Variants in CRTC3 observed in about 807,000 individuals in gnomAD.
CRTC3 encodes CREB-regulated transcription coactivator 3.
Under a neutral mutation model 74.5 loss-of-function variants are expected in CRTC3, and 26 were observed. The observed-to-expected ratio is 0.35, with a 90% CI of 0.26 to 0.48. The LOEUF (loss-of-function observed/expected upper bound fraction) is 0.48. CRTC3 is among the 20% of genes least tolerant of loss of function. CRTC3 has a pLI of 0.99. For missense variants in CRTC3, 760 were observed against 787.3 expected, an observed-to-expected ratio of 0.97 and a Z score of 0.41; for synonymous variants, 377 against 325.8, an observed-to-expected ratio of 1.16 and a Z score of -1.69.
intron 13 of CRTC3, 163 bp from the exon 14 acceptor site, chr15:90,640,934 T>C (rs2151098991): frequency 1.6e-6 from 1 of 610,394 alleles, no homozygotes; most frequent in East Asian, 2.8e-5. Context: ...ACAAGAATAT[T>C]GTGCATGCAT....
chr15:90,634,877 G>C (rs1969175721), intron 11 of CRTC3: 2 of 1,557,072 alleles, frequency 1.3e-6, no homozygotes, highest in East Asian at 2.2e-5. Flanking sequence ...CTGTTGGATC[G>C]GGTTCTAAAG....
At chr15:90,571,502 C>A (rs1443976832) in intron 2 of CRTC3, among the ~76,000 whole-genome samples, 1 of 152,074 alleles carries the variant, frequency 6.6e-6, no homozygotes, top group Non-Finnish European at 1.5e-5. Flanking sequence ...GAGGCTGGAG[C>A]TTGAAGTAGG....
At chr15:90,598,066 C>T (rs796932025) in intron 3 of CRTC3, 3 of 195,378 alleles carry the variant, frequency 1.5e-5, no homozygotes, top group South Asian at 1.2e-4. Flanking sequence ...AACCAGACTC[C>T]GAGCCCACTT....
At chr15:90,584,830 C>T (rs1166059546) in intron 2 of CRTC3, among the ~76,000 whole-genome samples, 1 of 152,042 alleles carries the variant, frequency 6.6e-6, no homozygotes, top group East Asian at 1.9e-4. Flanking sequence ...CCTCTCCTAC[C>T]CAAGCTCTGT....
intron 2 of CRTC3, among the ~76,000 whole-genome samples, chr15:90,574,834 A>T (rs974332188): frequency 6.6e-6 from 1 of 152,014 alleles, no homozygotes; most frequent in Admixed American, 6.6e-5. Flanking sequence ...AACCATTTGT[A>T]TTATGTTTAC....
intron 11 of CRTC3, among the ~76,000 whole-genome samples, chr15:90,630,514 G>T (rs921797720): frequency 1.3e-5 from 2 of 152,080 alleles, no homozygotes; most frequent in Admixed American, 6.6e-5. Context: ...ACTCCAGAGC[G>T]GAGGTGGGAG....
intron 2 of CRTC3, among the ~76,000 whole-genome samples, chr15:90,547,617 A>T (rs1966846536): frequency 6.6e-6 from 1 of 152,166 alleles, no homozygotes; most frequent in African/African-American, 2.4e-5. Flanking sequence ...GACCATCAGT[A>T]AAGGGGTAGC....
intron 2 of CRTC3, among the ~76,000 whole-genome samples, chr15:90,561,063 G>A (rs762874033): frequency 2.6e-5 from 4 of 152,144 alleles, no homozygotes; most frequent in Non-Finnish European, 5.9e-5. Flanking sequence ...GCACTGGATC[G>A]TAGACAAGAT....
At position 90,643,085 on chromosome 15, in the gene CRTC3, AC is replaced by A. The variant is rs549446448; in HGVS notation, c.*951del. 4.3e-6 allele frequency: 1 copy of A among 231,522 alleles called. No homozygotes were observed. The highest frequency in any genetic ancestry group is 8.5e-6 in the Non-Finnish European group (1 of 117,250). The allele number at this position is 231,522 out of a possible 1,614,324, so 14.3% of individuals were successfully genotyped here. A position where few individuals can be genotyped will look rare whatever the true frequency, so the allele number is the denominator to read the frequency against. On this transcript the variant is annotated 3_prime_UTR_variant, in exon 15 of 15. Coordinates refer to ENST00000268184, the MANE Select transcript of CRTC3 (RefSeq NM_022769.5). ...CTCTGTGGGCTGGGAGTCTAATGTCACCCCCCTAGACCGTAAGCTCCTTGAG... is the reference window on the plus strand; with the variant it reads ...CTCTGTGGGCTGGGAGTCTAATGTCACCCCCTAGACCGTAAGCTCCTTGAG...
In CRTC3 at chr15:90,544,180, C is replaced by T. The variant is rs183628114; in HGVS notation, c.231+4043C>T. On this transcript the variant is annotated intron_variant, in intron 2 of 14. Coordinates refer to ENST00000268184, the MANE Select transcript of CRTC3 (RefSeq NM_022769.5). ...TCCCTCCTTGTCTCTTCCTAGCTTC[C>T]GTGGTCTGCGGCAGTCCTTAACTTG... is the stretch of plus-strand genomic sequence containing the variant. Among the ~76,000 whole-genome samples the T allele has an allele frequency of 6.9e-4, 105 of 152,328 alleles. 1 individual carries two copies. The East Asian group carries it at 0.014, about 20-fold the overall frequency.
intron 3 of CRTC3, chr15:90,594,959 T>G (rs1455912169): frequency 6.6e-6 from 1 of 152,192 alleles, no homozygotes; most frequent in Non-Finnish European, 1.5e-5. Context: ...GAGGCAAGGA[T>G]AATGACCCCA....
At chr15:90,589,885 A>G (rs529946762) in intron 2 of CRTC3, among the ~76,000 whole-genome samples, 1,681 of 151,992 alleles carry the variant, frequency 0.011, 38 homozygotes, top group African/African-American at 0.039. Flanking sequence ...TACTCAGGAA[A>G]CTAAGGCAGG....
Position 90,642,161 on chromosome 15 carries a change from A to G in CRTC3, c.*21A>G, listed in dbSNP as rs1186446001. ...TGTGAACAGAAGGCAGTGGAACAGA[A>G]GAATGTTTTTCTGCAACAGCCAAAA... is the stretch of plus-strand genomic sequence containing the variant. On this transcript the variant is annotated 3_prime_UTR_variant, in exon 15 of 15. Coordinates refer to ENST00000268184, the MANE Select transcript of CRTC3 (RefSeq NM_022769.5). 2.5e-6 allele frequency: 4 copies of G among 1,607,042 alleles called. No individual in the cohort carries two copies. The highest frequency in any genetic ancestry group is 3.3e-5 in the Admixed American group (2 of 59,958).
chr15:90,578,564 G>A (rs1967462761), intron 2 of CRTC3, among the ~76,000 whole-genome samples: 1 of 151,728 alleles, frequency 6.6e-6, no homozygotes, highest in Non-Finnish European at 1.5e-5. Flanking sequence ...AAAAAAAAAA[G>A]AAGGTAAAGA....
intron 2 of CRTC3, among the ~76,000 whole-genome samples, chr15:90,561,147 G>A (rs1391892354): frequency 2.0e-5 from 3 of 152,098 alleles, no homozygotes; most frequent in Admixed American, 6.5e-5. Flanking sequence ...TAGAGCTATT[G>A]GGAGGATTAA....
chr15:90,634,761 T>C, intron 11 of CRTC3: 1 of 1,082,804 alleles, frequency 9.2e-7, no homozygotes, highest in South Asian at 1.2e-5. Flanking sequence ...TTTTCCACTC[T>C]CTGACTGAGT....
chr15:90,617,780 C>T, intron 7 of CRTC3, 103 bp from the exon 8 acceptor site: 1 of 736,490 alleles, frequency 1.4e-6, no homozygotes, highest in South Asian at 1.5e-5. Context: ...ATCCTCCTGC[C>T]TCAGCCCCAT....
chr15:90,640,859 T>TG (rs1969412985), intron 13 of CRTC3, among the ~76,000 whole-genome samples: 2 of 152,088 alleles, frequency 1.3e-5, no homozygotes, highest in South Asian at 2.1e-4. Context: ...TGTAGTGGGC[T>TG]GGGGAAAAGT....
intron 2 of CRTC3, among the ~76,000 whole-genome samples, chr15:90,545,489 TC>T (rs1486727672): frequency 1.9e-4 from 28 of 148,958 alleles, no homozygotes; most frequent in Non-Finnish European, 3.4e-4. Context: ...TGCCTCCGCC[TC>T]CCAGGTTCAA....
Sources: gnomAD v4.1 joint callset for allele counts (sites outside exome capture counted in the v4.1 genomes callset) on GRCh38, gnomAD v4.1.1 for gene constraint, MANE v1.5 for transcripts, NCBI Gene and HGNC (gene_info 2026-07-23, HGNC 2026-07-21) for gene names.